The following EPHA5 variants were observed in gnomAD, a reference collection of about 807,000 sequenced individuals.
EPHA5 encodes ephrin type-A receptor 5.
Under a neutral mutation model 105.0 loss-of-function variants are expected in EPHA5, and 60 were observed. The observed-to-expected ratio is 0.57, with a 90% confidence interval of 0.46 to 0.71. The LOEUF is 0.71. Among genes scored for constraint, EPHA5 ranks in the 30% least tolerant of loss-of-function variants. The pLI is 0.00. For missense variants in EPHA5, 1,218 were observed against 1,274.7 expected, an observed-to-expected ratio of 0.96 and a Z score of 0.68; for synonymous variants, 513 against 449.1, an observed-to-expected ratio of 1.14 and a Z score of -1.80.
At chr4:65,351,730 G>A in intron 12 of EPHA5, 132 bp from the exon 13 acceptor site, 3 of 753,366 alleles carry the variant, frequency 4.0e-6, no homozygotes, top group Non-Finnish European at 6.4e-6. Flanking sequence ...ATCTGAAGGA[G>A]ATTGGAAAAT....
In EPHA5 at chr4:65,420,566, C is replaced by T. The variant is rs2149037526; in HGVS notation, c.1403-1G>A. On this transcript the variant is annotated splice_acceptor_variant, in intron 5 of 16. Transcript: ENST00000613740. LOFTEE classifies it high-confidence loss of function. ...TTCACATTGGTGACTGGAGATGGAG[C>T]TGCAAAATAGTTTAAATAAGGAGCA... 1 of 1,611,662 alleles carries T rather than the reference C, an allele frequency of 6.2e-7. No homozygotes were observed. The highest frequency in any genetic ancestry group is 8.5e-7 in the Non-Finnish European group (1 of 1,179,000).
rs1491144544 is a variant in EPHA5, at chr4:65,348,698, A to AT, written c.2446-496_2446-495insA. ...TATATATATATATATATATATATATAAAATATATATGTGTGTGTATATATA... is the reference window on the plus strand; with the variant it reads ...TATATATATATATATATATATATATATAAATATATATGTGTGTGTATATATA... On this transcript the variant is annotated intron_variant, in intron 13 of 16. Coordinates refer to ENST00000613740, the MANE Select transcript of EPHA5 (RefSeq NM_001281766.3). Among the ~76,000 whole-genome samples, 157 of 19,780 alleles carry AT rather than the reference A, an allele frequency of 7.9e-3. 3 individuals carry two copies. Among genetic ancestry groups the AT allele is most frequent in the Non-Finnish European group, 0.015 (115 of 7,808 alleles). The allele number at this position is 19,780 out of a possible 152,430, so 13.0% of individuals were successfully genotyped here.
chr4:65,337,414 T>A (rs943018149), intron 14 of EPHA5, among the ~76,000 whole-genome samples: 1 of 152,128 alleles, frequency 6.6e-6, no homozygotes, highest in African/African-American at 2.4e-5. Context: ...ACATTCTATC[T>A]ACCCTTCTAC....
chr4:65,409,094 A>G (rs1397050934), intron 7 of EPHA5, among the ~76,000 whole-genome samples: 1 of 143,724 alleles, frequency 7.0e-6, no homozygotes, highest in Admixed American at 7.1e-5. Flanking sequence ...ACAAGAACAA[A>G]AAACCAAACA....
chr4:65,539,790 A>G (rs1736642227), intron 3 of EPHA5, among the ~76,000 whole-genome samples: 1 of 151,620 alleles, frequency 6.6e-6, no homozygotes, highest in Non-Finnish European at 1.5e-5. Flanking sequence ...ACTATGAGTA[A>G]TATTAGTGTT....
rs7437919 is a variant in EPHA5, at chr4:65,574,689, C to T, written c.910+26952G>A. The stretch of plus-strand genomic sequence containing the variant: ...ATACACATATATATACATATATATA[C>T]ATATATATACATATATATACATATA... On this transcript the variant is annotated intron_variant, in intron 3 of 16. Coordinates refer to ENST00000613740, the MANE Select transcript of EPHA5 (RefSeq NM_001281766.3). Among the ~76,000 whole-genome samples, 111 of 82,896 alleles carry T rather than the reference C, an allele frequency of 1.3e-3. 3 individuals are homozygous for T. The highest frequency in any genetic ancestry group is 4.7e-3 in the East Asian group (7 of 1,494). 54.4% of individuals were successfully genotyped at this position (82,896 alleles called of 152,430 possible).
At chr4:65,560,652 C>G (rs919036570) in intron 3 of EPHA5, among the ~76,000 whole-genome samples, 1 of 152,108 alleles carries the variant, frequency 6.6e-6, no homozygotes, top group African/African-American at 2.4e-5. Flanking sequence ...CTTTGTCCAT[C>G]TCTAAGTTGA....
At position 65,338,756 on chromosome 4, in the gene EPHA5, C is replaced by CT. The variant is rs904300193; in HGVS notation, c.2596-2632dup. 1.8e-4 allele frequency among the ~76,000 whole-genome samples: 28 copies of CT among 151,712 alleles called. No homozygotes were observed. In the East Asian group the frequency reaches 2.5e-3, roughly 14 times the overall value. ...CTTCACATTTTATATTAGAAGTTTC[C>CT]TTTTTTTTCCATTTCTAATGATTCT... On this transcript the variant is annotated intron_variant, in intron 14 of 16. Coordinates refer to ENST00000613740, the MANE Select transcript of EPHA5 (RefSeq NM_001281766.3).
At chr4:65,591,674 C>CT (rs757696929) in intron 3 of EPHA5, among the ~76,000 whole-genome samples, 5 of 151,776 alleles carry the variant, frequency 3.3e-5, no homozygotes, top group South Asian at 2.1e-4. Flanking sequence ...AGTACAGGGA[C>CT]TTTTTTTCCC....
chr4:65,351,240 CT>C (rs1722782583), intron 13 of EPHA5, 148 bp downstream of exon 13: 3 of 631,702 alleles, frequency 4.7e-6, no homozygotes, highest in Non-Finnish European at 7.7e-6. Context: ...AATTTTTTGA[CT>C]TTTGATTTTC....
intron 3 of EPHA5, among the ~76,000 whole-genome samples, chr4:65,546,789 T>G (rs928183314): frequency 6.6e-6 from 1 of 152,088 alleles, no homozygotes; most frequent in South Asian, 2.1e-4. Context: ...ATGTTGGCAT[T>G]ATTATTTTAA....
chr4:65,649,290 C>G (rs1748390540), intron 1 of EPHA5, among the ~76,000 whole-genome samples: 1 of 152,142 alleles, frequency 6.6e-6, no homozygotes, highest in African/African-American at 2.4e-5. Flanking sequence ...TACTTAAGAC[C>G]TAAACATCAG....
At chr4:65,636,415 C>T (rs1314009654) in intron 2 of EPHA5, among the ~76,000 whole-genome samples, 2 of 152,056 alleles carry the variant, frequency 1.3e-5, no homozygotes, top group Admixed American at 1.3e-4. Flanking sequence ...TAGCTCATGT[C>T]TGGTTTTAAA....
At chr4:65,367,062 C>T (rs568772247) in intron 9 of EPHA5, among the ~76,000 whole-genome samples, 6 of 151,006 alleles carry the variant, frequency 4.0e-5, no homozygotes, top group African/African-American at 1.5e-4. Context: ...TAGAATATTC[C>T]AGGAAATTTT....
At chr4:65,357,680 G>T (rs563670652) in intron 11 of EPHA5, among the ~76,000 whole-genome samples, 1 of 151,486 alleles carries the variant, frequency 6.6e-6, no homozygotes, top group South Asian at 2.1e-4. Flanking sequence ...GAACAGGGAA[G>T]TGGAGGGTTG....
intron 3 of EPHA5, among the ~76,000 whole-genome samples, chr4:65,528,630 C>A (rs1735469514): frequency 6.6e-6 from 1 of 152,126 alleles, no homozygotes; most frequent in Non-Finnish European, 1.5e-5. Context: ...ATGTACTTGT[C>A]AACAAATAGG....
intron 8 of EPHA5, among the ~76,000 whole-genome samples, chr4:65,377,915 A>G (rs1209142465): frequency 5.3e-5 from 8 of 151,940 alleles, no homozygotes; most frequent in African/African-American, 1.9e-4. Context: ...CAGTGATCTC[A>G]ACAGAACTAT....
Position 65,493,726 on chromosome 4 carries a change from A to T in EPHA5, c.1066+1662T>A, listed in dbSNP as rs189596200. On this transcript the variant is annotated intron_variant, in intron 4 of 16. Coordinates refer to ENST00000613740, the MANE Select transcript of EPHA5 (RefSeq NM_001281766.3). ...TGACTGTGGGCTTTGGTCCTAAAAA[A>T]GTGCTAAGCAGTCCTTGCCACCAAA... Among the ~76,000 whole-genome samples, 9 of 152,254 alleles carry T rather than the reference A, an allele frequency of 5.9e-5. No individual in the cohort carries two copies. The East Asian group carries it at 1.4e-3, about 23-fold the overall frequency.
chr4:65,348,693 TATATAAA>T (rs1264062054), intron 13 of EPHA5, among the ~76,000 whole-genome samples: 1 of 59,410 alleles, frequency 1.7e-5, no homozygotes, highest in South Asian at 5.2e-4. Flanking sequence ...TATATATATA[TATATAAA>T]ATATATATGT....
Sources: gnomAD v4.1 joint callset for allele counts (sites outside exome capture counted in the v4.1 genomes callset) on GRCh38, gnomAD v4.1.1 for gene constraint, MANE v1.5 for transcripts, NCBI Gene and HGNC (gene_info 2026-07-23, HGNC 2026-07-21) for gene names.